KCNMB2: variants seen among roughly 807,000 people sequenced by gnomAD.
KCNMB2 encodes the protein potassium calcium-activated channel subfamily M regulatory beta subunit 2.
Under a neutral mutation model 24.5 loss-of-function variants are expected in KCNMB2, and 9 were observed. The ratio of observed to expected loss-of-function variants is 0.37; its 90% CI spans 0.22 to 0.64. The LOEUF (loss-of-function observed/expected upper bound fraction) is 0.64. Ranked by LOEUF, KCNMB2 falls within the 30% of genes least tolerant of loss-of-function variation. KCNMB2 has a pLI of 0.63. For synonymous variants in KCNMB2, 109 were observed against 104.4 expected, an observed-to-expected ratio of 1.04 and a Z score of -0.27; for missense variants, 226 against 284.3, an observed-to-expected ratio of 0.79 and a Z score of 1.47.
chr3:178,627,708 T>G (rs927527605), intron 1 of KCNMB2, among the ~76,000 whole-genome samples: 1 of 152,216 alleles, frequency 6.6e-6, no homozygotes, highest in Admixed American at 6.5e-5. Context: ...CTGCTCTATC[T>G]TCACCTGTAT....
At chr3:178,759,654 T>A (rs1313665756) in intron 1 of KCNMB2, among the ~76,000 whole-genome samples, 6 of 107,802 alleles carry the variant, frequency 5.6e-5, no homozygotes, top group African/African-American at 1.8e-4. Flanking sequence ...TATATATATC[T>A]CCAAGAGGGA....
At chr3:178,833,391 GCCC>G (rs1715113771) in intron 4 of KCNMB2, among the ~76,000 whole-genome samples, 1 of 152,110 alleles carries the variant, frequency 6.6e-6, no homozygotes, top group Non-Finnish European at 1.5e-5. Context: ...CACTTTCCTG[GCCC>G]AGTGATTCTT....
chr3:178,683,749 C>T (rs556898154), intron 1 of KCNMB2, among the ~76,000 whole-genome samples: 3 of 152,252 alleles, frequency 2.0e-5, no homozygotes, highest in Admixed American at 2.0e-4. Context: ...ATTTTCCAGG[C>T]TTGTCAAATG....
chr3:178,685,214 T>C (rs986443119), intron 1 of KCNMB2, among the ~76,000 whole-genome samples: 4 of 152,246 alleles, frequency 2.6e-5, no homozygotes, highest in Admixed American at 1.3e-4. Flanking sequence ...TTTATGTTCA[T>C]GCCTAGGCTC....
At chr3:178,561,097 G>A (rs781250116) in intron 1 of KCNMB2, among the ~76,000 whole-genome samples, 4 of 152,086 alleles carry the variant, frequency 2.6e-5, no homozygotes, top group African/African-American at 4.8e-5. Flanking sequence ...CTATTGAATC[G>A]TATTCACAAA....
intron 1 of KCNMB2, among the ~76,000 whole-genome samples, chr3:178,786,029 G>C (rs1713086815): frequency 6.6e-6 from 1 of 152,112 alleles, no homozygotes; most frequent in South Asian, 2.1e-4. Context: ...TTCAAACTCA[G>C]TCATCTCTAT....
At chr3:178,614,299 ATGTATATATATG>A (rs1718621665) in intron 1 of KCNMB2, among the ~76,000 whole-genome samples, 1 of 97,708 alleles carries the variant, frequency 1.0e-5, no homozygotes, top group African/African-American at 3.7e-5. Context: ...ATATATATGT[ATGTATATATATG>A]TATGTGTATA....
At chr3:178,655,544 G>A (rs1032673015) in intron 1 of KCNMB2, among the ~76,000 whole-genome samples, 1 of 152,170 alleles carries the variant, frequency 6.6e-6, no homozygotes, top group African/African-American at 2.4e-5. Context: ...TCCCCCCTTG[G>A]TTGATTTGCC....
At chr3:178,737,068 A>C (rs752952594) in intron 1 of KCNMB2, among the ~76,000 whole-genome samples, 3 of 152,138 alleles carry the variant, frequency 2.0e-5, no homozygotes, top group Non-Finnish European at 2.9e-5. Flanking sequence ...GCAGGAGTTC[A>C]AGACCAGCCC....
intron 1 of KCNMB2, among the ~76,000 whole-genome samples, chr3:178,553,355 G>A (rs1716019865): frequency 6.6e-6 from 1 of 152,092 alleles, no homozygotes; most frequent in Non-Finnish European, 1.5e-5. Context: ...TTTGAAAAAT[G>A]AACTGAAAAT....
intron 1 of KCNMB2, among the ~76,000 whole-genome samples, chr3:178,735,692 G>T (rs1388558952): frequency 6.6e-6 from 1 of 152,178 alleles, no homozygotes; most frequent in East Asian, 1.9e-4. Context: ...TGCATACCAG[G>T]CTTAGTACTG....
chr3:178,776,830 C>A lies in KCNMB2; in HGVS notation c.-67-30513C>A, dbSNP rs1227765694. ...ATCGTACAGTGTTTAAAAGTGTAGA[C>A]TCCTAATGTAGGCTGCTGGAGTTCA... On this transcript the variant is annotated intron_variant, in intron 1 of 4. Coordinates refer to ENST00000452583, the MANE Select transcript of KCNMB2 (RefSeq NM_181361.3). Among the ~76,000 whole-genome samples, 5 of 152,064 alleles carry A rather than the reference C, an allele frequency of 3.3e-5. 1 individual carries two copies. The Middle Eastern group carries it at 0.01, about 310-fold the overall frequency.
At chr3:178,813,998 T>C (rs1205759802) in intron 2 of KCNMB2, among the ~76,000 whole-genome samples, 2 of 149,974 alleles carry the variant, frequency 1.3e-5, no homozygotes, top group African/African-American at 4.9e-5. Context: ...GCTGCTGCTG[T>C]TGTTTTTCTA....
chr3:178,776,511 C>T (rs1347506583), intron 1 of KCNMB2, among the ~76,000 whole-genome samples: 1 of 152,096 alleles, frequency 6.6e-6, no homozygotes, highest in Admixed American at 6.5e-5. Flanking sequence ...TGGCTGACTC[C>T]CTTGCTTAAA....
chr3:178,785,524 C>A (rs181145774), intron 1 of KCNMB2, among the ~76,000 whole-genome samples: 68 of 151,832 alleles, frequency 4.5e-4, no homozygotes, highest in African/African-American at 1.5e-3. Flanking sequence ...TTGACCGATT[C>A]AAATTTTGCA....
chr3:178,603,457 T>C (rs374880089), intron 1 of KCNMB2, among the ~76,000 whole-genome samples: 28 of 150,250 alleles, frequency 1.9e-4, no homozygotes, highest in African/African-American at 6.3e-4. Flanking sequence ...AAATGGGTCA[T>C]TTGAGAAATG....
chr3:178,707,241 A>G (rs756708171), intron 1 of KCNMB2, among the ~76,000 whole-genome samples: 1 of 152,088 alleles, frequency 6.6e-6, no homozygotes, highest in Admixed American at 6.6e-5. Context: ...AAACTAATTA[A>G]ATATTTTTAT....
chr3:178,682,032 G>C (rs1721288082), intron 1 of KCNMB2, among the ~76,000 whole-genome samples: 1 of 152,080 alleles, frequency 6.6e-6, no homozygotes. Flanking sequence ...CTCAAAGCCT[G>C]CTAATTTTTG....
chr3:178,675,974 C>T (rs1721058543), intron 1 of KCNMB2, among the ~76,000 whole-genome samples: 1 of 152,180 alleles, frequency 6.6e-6, no homozygotes, highest in Admixed American at 6.5e-5. Flanking sequence ...TTATTACCCG[C>T]ACTCTGAAGA....
Sources: gnomAD v4.1 joint callset for allele counts (sites outside exome capture counted in the v4.1 genomes callset) on GRCh38, gnomAD v4.1.1 for gene constraint, MANE v1.5 for transcripts, NCBI Gene and HGNC (gene_info 2026-07-23, HGNC 2026-07-21) for gene names.